The following ROBO2 variants were observed in gnomAD, a reference collection of about 807,000 sequenced individuals.
The protein encoded by ROBO2 is roundabout guidance receptor 2.
In ROBO2, 53 loss-of-function variants were observed where a neutral mutation model predicts 160.8. That is an observed-to-expected ratio of 0.33 (90% CI 0.26 to 0.41). The LOEUF (loss-of-function observed/expected upper bound fraction) is 0.41. Ranked by LOEUF, ROBO2 falls within the 10% of genes least tolerant of loss-of-function variation. The pLI, the probability that ROBO2 is intolerant of heterozygous loss-of-function variation, is 1.00. For missense variants in ROBO2, 1,577 were observed against 1,722.4 expected, an observed-to-expected ratio of 0.92 and a Z score of 1.49; for synonymous variants, 664 against 611.7, an observed-to-expected ratio of 1.09 and a Z score of -1.26.
Position 76,664,978 on chromosome 3 carries a change from G to C in ROBO2, c.110-433036G>C, listed in dbSNP as rs146627834. ...GTCAAACGCTACAGAGATGAATTGCGTGAGGGCCAGTAAGAGGCAACGTGT... is the reference window on the plus strand; with the variant it reads ...GTCAAACGCTACAGAGATGAATTGCCTGAGGGCCAGTAAGAGGCAACGTGT... On this transcript the variant is annotated intron_variant, in intron 2 of 26. Coordinates refer to the ROBO2 transcript ENST00000487694. Among the ~76,000 whole-genome samples the C allele has an allele frequency of 2.6e-3, 395 of 152,284 alleles. 1 individual carries two copies. Among genetic ancestry groups the C allele is most frequent in the African/African-American group, 9.0e-3 (372 of 41,550 alleles).
chr3:76,123,042 C>T (rs1017479765), intron 2 of ROBO2, among the ~76,000 whole-genome samples: 6 of 152,038 alleles, frequency 3.9e-5, no homozygotes, highest in African/African-American at 7.2e-5. Flanking sequence ...CCACCGTGCC[C>T]GACCTGTTTT....
chr3:77,000,998 G>A (rs1244457411), intron 2 of ROBO2, among the ~76,000 whole-genome samples: 2 of 152,040 alleles, frequency 1.3e-5, no homozygotes, highest in Admixed American at 1.3e-4. Flanking sequence ...TAAGAGCCAC[G>A]GTGACGTTTT....
intron 19 of ROBO2, among the ~76,000 whole-genome samples, chr3:77,600,415 G>A (rs931090579): frequency 6.6e-6 from 1 of 152,178 alleles, no homozygotes; most frequent in Non-Finnish European, 1.5e-5. Flanking sequence ...AGCAGGGAGA[G>A]GAGAGATTCA....
At chr3:76,183,859 G>T (rs1042484094) in intron 2 of ROBO2, among the ~76,000 whole-genome samples, 5 of 152,070 alleles carry the variant, frequency 3.3e-5, no homozygotes, top group Non-Finnish European at 7.4e-5. Context: ...TATTCAATTA[G>T]ATCTGCCTGC....
At chr3:77,433,239 G>A (rs1025265766) in intron 2 of ROBO2, among the ~76,000 whole-genome samples, 8 of 151,892 alleles carry the variant, frequency 5.3e-5, no homozygotes, top group Non-Finnish European at 1.2e-4. Flanking sequence ...CAGAAATAAA[G>A]ACAGTGAGGC....
At chr3:75,980,905 G>C (rs1462152553) in intron 2 of ROBO2, among the ~76,000 whole-genome samples, 4 of 57,594 alleles carry the variant, frequency 6.9e-5, no homozygotes, top group Non-Finnish European at 1.5e-4. Context: ...ACACATTGAT[G>C]TTAAAATAAA....
intron 2 of ROBO2, among the ~76,000 whole-genome samples, chr3:77,318,704 T>A (rs2064331845): frequency 6.6e-6 from 1 of 152,100 alleles, no homozygotes; most frequent in Admixed American, 6.6e-5. Context: ...AACTACTAAA[T>A]TAGATAATAC....
chr3:76,023,960 G>T lies in ROBO2; in HGVS notation c.109+86358G>T, dbSNP rs182253856. 1.7e-3 allele frequency among the ~76,000 whole-genome samples: 255 copies of T among 151,354 alleles called. 2 individuals are homozygous for T. The highest frequency in any genetic ancestry group is 1.4e-3 in the Non-Finnish European group (96 of 67,596). ...AAATCTCTCTGATGCCATAACCCAC[G>T]ATCTTAATCATTAAATACATTGCTT... On this transcript the variant is annotated intron_variant, in intron 2 of 26. Coordinates refer to the ROBO2 transcript ENST00000487694.
intron 2 of ROBO2, among the ~76,000 whole-genome samples, chr3:77,392,199 C>T (rs2074804259): frequency 1.3e-5 from 2 of 152,194 alleles, no homozygotes; most frequent in African/African-American, 4.8e-5. Flanking sequence ...GGTATTGCTA[C>T]TGTGGTCTAC....
chr3:76,267,137 A>C (rs920334867), intron 2 of ROBO2, among the ~76,000 whole-genome samples: 2 of 152,170 alleles, frequency 1.3e-5, no homozygotes, highest in Non-Finnish European at 2.9e-5. Flanking sequence ...ATTTTGAGTG[A>C]TGTTTCCATT....
chr3:77,358,771 A>G (rs1162773893), intron 2 of ROBO2, among the ~76,000 whole-genome samples: 2 of 152,210 alleles, frequency 1.3e-5, no homozygotes, highest in Admixed American at 6.5e-5. Context: ...TATCACCCCA[A>G]TAAAGAAACC....
intron 2 of ROBO2, among the ~76,000 whole-genome samples, chr3:76,597,180 T>G (rs986017697): frequency 1.3e-5 from 2 of 151,948 alleles, no homozygotes; most frequent in Non-Finnish European, 2.9e-5. Flanking sequence ...GAAAAACAAA[T>G]TGTAATAATC....
intron 2 of ROBO2, among the ~76,000 whole-genome samples, chr3:77,358,642 G>A (rs1315262877): frequency 6.6e-6 from 1 of 152,140 alleles, no homozygotes; most frequent in Admixed American, 6.5e-5. Context: ...ATATCCACGT[G>A]CATCTACGCA....
chr3:76,013,469 A>G (rs1465072434), intron 2 of ROBO2, among the ~76,000 whole-genome samples: 1 of 149,984 alleles, frequency 6.7e-6, no homozygotes, highest in African/African-American at 2.5e-5. Context: ...ACTGTGGCTT[A>G]TGCATGTAAT....
At chr3:77,552,225 T>C (rs946897340) in intron 8 of ROBO2, among the ~76,000 whole-genome samples, 4 of 152,176 alleles carry the variant, frequency 2.6e-5, no homozygotes, top group South Asian at 2.1e-4. Context: ...AAAAATAAGA[T>C]ATTCTGTCCA....
At chr3:77,185,758 C>T (rs562799590) in intron 2 of ROBO2, among the ~76,000 whole-genome samples, 1 of 151,934 alleles carries the variant, frequency 6.6e-6, no homozygotes, top group East Asian at 1.9e-4. Context: ...GTGCAACCTA[C>T]CCAAATGCCC....
chr3:76,817,952 A>G (rs2065828661), intron 2 of ROBO2, among the ~76,000 whole-genome samples: 1 of 150,704 alleles, frequency 6.6e-6, no homozygotes, highest in African/African-American at 2.4e-5. Context: ...GAATTATGCT[A>G]CTATAAACGT....
At chr3:77,444,015 T>G (rs1194416886) in intron 2 of ROBO2, among the ~76,000 whole-genome samples, 1 of 152,252 alleles carries the variant, frequency 6.6e-6, no homozygotes, top group Non-Finnish European at 1.5e-5. Flanking sequence ...TAATTAGCCT[T>G]ACTTCTTCTC....
At chr3:76,754,384 T>TA (rs1349871065) in intron 2 of ROBO2, among the ~76,000 whole-genome samples, 3 of 151,906 alleles carry the variant, frequency 2.0e-5, no homozygotes, top group Non-Finnish European at 2.9e-5. Flanking sequence ...CCGTATACAT[T>TA]ACGGCTGCAA....
Sources: gnomAD v4.1 joint callset for allele counts (sites outside exome capture counted in the v4.1 genomes callset) on GRCh38, gnomAD v4.1.1 for gene constraint, MANE v1.5 for transcripts, NCBI Gene and HGNC (gene_info 2026-07-23, HGNC 2026-07-21) for gene names.